Variants in PLPP4 observed in about 807,000 individuals in gnomAD.
PLPP4 encodes phospholipid phosphatase 4, also known as diacylglycerol pyrophosphate like 2.
PLPP4 carries 20 observed loss-of-function variants against 32.2 expected under a neutral mutation model. That is an observed-to-expected ratio of 0.62 (90% CI 0.44 to 0.90). The LOEUF is 0.90. PLPP4 is among the 40% of genes least tolerant of loss of function. The pLI, the probability that PLPP4 is intolerant of heterozygous loss-of-function variation, is 0.00. For missense variants in PLPP4, 257 were observed against 353.1 expected, an observed-to-expected ratio of 0.73 and a Z score of 2.18; for synonymous variants, 127 against 133.0, an observed-to-expected ratio of 0.95 and a Z score of 0.31.
chr10:120,478,739 C>T (rs1452362078), intron 1 of PLPP4, among the ~76,000 whole-genome samples: 1 of 152,160 alleles, frequency 6.6e-6, no homozygotes, highest in African/African-American at 2.4e-5. Context: ...AATATTCTTT[C>T]TTGACTTGTT....
chr10:120,552,449 G>C (rs557202779), intron 5 of PLPP4, among the ~76,000 whole-genome samples: 9 of 152,190 alleles, frequency 5.9e-5, no homozygotes, highest in African/African-American at 1.9e-4. Context: ...GTTGGAATCT[G>C]ATTTGATTCT....
At chr10:120,463,277 T>C (rs1466932442) in intron 1 of PLPP4, among the ~76,000 whole-genome samples, 3 of 152,098 alleles carry the variant, frequency 2.0e-5, no homozygotes, top group Admixed American at 6.5e-5. Flanking sequence ...CTGCCCACCT[T>C]GGCCTCCCAA....
chr10:120,514,086 C>T lies in PLPP4; in HGVS notation c.256+85C>T. 1.0e-5 allele frequency: 11 copies of T among 1,050,172 alleles called. No homozygotes were observed. The South Asian group carries it at 1.4e-4, about 14-fold the overall frequency. The allele number at this position is 1,050,172 out of a possible 1,614,324, so 65.1% of individuals were successfully genotyped here. ...TTTAAGAAATCTCAGTTACACCCAA[C>T]TGATTTTTTTCTTTTGGTCAAATTA... On this transcript the variant is annotated intron_variant, in intron 3 of 6. Transcript: ENST00000398250.
intron 1 of PLPP4, among the ~76,000 whole-genome samples, chr10:120,501,423 A>G (rs866375667): frequency 9.8e-5 from 15 of 152,330 alleles, no homozygotes; most frequent in Admixed American, 2.0e-4. Context: ...TGATAATAGT[A>G]ATACAATTCT....
chr10:120,575,167 TG>T lies in PLPP4; in HGVS notation c.484del (p.Ala162ArgfsTer29). On this transcript the variant is annotated frameshift_variant, in exon 6 of 7. Transcript: ENST00000398250. LOFTEE classifies it high-confidence loss of function. The part of the protein sequence containing the change: ...FSGLGFTTFY[L>X]AGKLHCFTES... ...GGCCTTGGCTTCACGACGTTCTACT[TG>T]GCGGGCAAGCTGCACTGCTTCACCG... 6.2e-7 allele frequency: 1 copy of T among 1,613,976 alleles called. No individual in the cohort carries two copies. The highest frequency in any genetic ancestry group is 8.5e-7 in the Non-Finnish European group (1 of 1,179,976).
intron 5 of PLPP4, among the ~76,000 whole-genome samples, chr10:120,553,769 G>A (rs1452457668): frequency 6.6e-6 from 1 of 152,212 alleles, no homozygotes; most frequent in Non-Finnish European, 1.5e-5. Flanking sequence ...GCCACTTTAA[G>A]CCATGGCTGG....
chr10:120,555,040 T>A (rs80238710), intron 5 of PLPP4, among the ~76,000 whole-genome samples: 6,482 of 152,124 alleles, frequency 0.043, 178 homozygotes, highest in Admixed American at 0.089. Context: ...ATTTTGGGAA[T>A]GCTGATAATC....
intron 2 of PLPP4, among the ~76,000 whole-genome samples, chr10:120,507,391 C>T (rs1179600436): frequency 7.0e-6 from 1 of 142,138 alleles, no homozygotes; most frequent in Non-Finnish European, 1.6e-5. Context: ...TCATCATTAT[C>T]ATCATCATCA....
intron 5 of PLPP4, among the ~76,000 whole-genome samples, chr10:120,542,204 C>T (rs1406826284): frequency 7.2e-5 from 11 of 152,196 alleles, no homozygotes; most frequent in Admixed American, 2.6e-4. Flanking sequence ...CCCATACCGA[C>T]AGAGGTCACC....
intron 5 of PLPP4, among the ~76,000 whole-genome samples, chr10:120,549,028 T>C (rs922287441): frequency 2.0e-5 from 3 of 151,820 alleles, no homozygotes; most frequent in Admixed American, 1.3e-4. Flanking sequence ...TCCAAAATTT[T>C]TAGATAAAGT....
chr10:120,497,008 T>C (rs529816609), intron 1 of PLPP4, among the ~76,000 whole-genome samples: 1 of 152,046 alleles, frequency 6.6e-6, no homozygotes, highest in South Asian at 2.1e-4. Context: ...CATCTAGCCC[T>C]AGTCTGGGGA....
At chr10:120,546,325 T>G (rs1260927758) in intron 5 of PLPP4, among the ~76,000 whole-genome samples, 1 of 152,136 alleles carries the variant, frequency 6.6e-6, no homozygotes, top group Non-Finnish European at 1.5e-5. Flanking sequence ...ATACCTCCCC[T>G]GTCCCCCAAC....
intron 1 of PLPP4, among the ~76,000 whole-genome samples, chr10:120,478,008 G>A (rs1013904975): frequency 1.3e-5 from 2 of 152,114 alleles, no homozygotes; most frequent in African/African-American, 2.4e-5. Flanking sequence ...ACAAGGAAGG[G>A]GTCAGGAGTT....
chr10:120,574,507 C>G (rs1044159273), intron 5 of PLPP4, among the ~76,000 whole-genome samples: 1 of 152,140 alleles, frequency 6.6e-6, no homozygotes, highest in Non-Finnish European at 1.5e-5. Flanking sequence ...AAACAATAAC[C>G]ATTATTTCGG....
chr10:120,526,007 T>C (rs1184293477), intron 5 of PLPP4, among the ~76,000 whole-genome samples: 1 of 152,026 alleles, frequency 6.6e-6, no homozygotes, highest in African/African-American at 2.4e-5. Context: ...GGAACTGTAT[T>C]AGGCAGATGT....
intron 6 of PLPP4, chr10:120,580,904 G>A (rs936808786): frequency 6.6e-5 from 85 of 1,289,172 alleles, no homozygotes; most frequent in Middle Eastern, 2.1e-4. Flanking sequence ...ACAGTTGGCT[G>A]CTGTGTATGG....
chr10:120,582,751 TTCCCTCCCTCCCTCCCTCCCTTCC>T (rs1482987979), intron 6 of PLPP4, among the ~76,000 whole-genome samples: 1 of 97,190 alleles, frequency 1.0e-5, no homozygotes, highest in African/African-American at 4.5e-5. Flanking sequence ...ACTGTAAATA[TTCCCTCCCTCCCTCCCTCCCTTCC>T]TCCCTCCCTC....
In PLPP4 at chr10:120,569,043, A is replaced by G. The variant is rs569893196; in HGVS notation, c.446-6088A>G. Reference sequence around the variant, plus strand: ...CACTTGAGGTCAGGAGTTCAAGACCAGCCTAGCCAACATGGTGAAACCCCA... The same window carrying G: ...CACTTGAGGTCAGGAGTTCAAGACCGGCCTAGCCAACATGGTGAAACCCCA... On this transcript the variant is annotated intron_variant, in intron 5 of 6. Coordinates refer to ENST00000398250, the MANE Select transcript of PLPP4 (RefSeq NM_001030059.3). 2.0e-5 allele frequency among the ~76,000 whole-genome samples: 3 copies of G among 152,242 alleles called. No individual in the cohort carries two copies. In the South Asian group the frequency reaches 6.2e-4, roughly 32 times the overall value.
rs142868296 is a variant in PLPP4, at chr10:120,539,234, G to A, written c.445+18139G>A. The stretch of plus-strand genomic sequence containing the variant: ...AGTGCAGGGAGCAGATGCTTAACCC[G>A]TCCCCTAGAGCCACTGCTGTTAGAG... On this transcript the variant is annotated intron_variant, in intron 5 of 6. Transcript: ENST00000398250. Among the ~76,000 whole-genome samples, 526 of 152,224 alleles carry A rather than the reference G, an allele frequency of 3.5e-3. 3 individuals carry two copies. Among genetic ancestry groups the A allele is most frequent in the African/African-American group, 0.012 (495 of 41,562 alleles).
Sources: gnomAD v4.1 joint callset for allele counts (sites outside exome capture counted in the v4.1 genomes callset) on GRCh38, gnomAD v4.1.1 for gene constraint, MANE v1.5 for transcripts, NCBI Gene and HGNC (gene_info 2026-07-23, HGNC 2026-07-21) for gene names.